The following RBFOX1 variants were observed in gnomAD, a reference collection of about 807,000 sequenced individuals.
The protein encoded by RBFOX1 is RNA binding protein fox-1 homolog 1.
A neutral mutation model predicts 57.7 loss-of-function variants in RBFOX1; 8 were observed. The observed-to-expected ratio is 0.14, with a 90% CI of 0.08 to 0.25. The LOEUF is 0.25. Ranked by LOEUF, RBFOX1 falls within the 10% of genes least tolerant of loss-of-function variation. The probability of loss-of-function intolerance (pLI) is 1.00; values close to 1 mark genes in which losing one functional copy is unlikely to be tolerated. For missense variants in RBFOX1, 611 were observed against 548.5 expected (o/e 1.11, Z -1.14); for synonymous variants, 326 against 222.4 (o/e 1.47, Z -4.15).
At chr16:6,593,077 A>G (rs566271362) in intron 2 of RBFOX1, among the ~76,000 whole-genome samples, 7 of 152,328 alleles carry the variant, frequency 4.6e-5, no homozygotes, top group Non-Finnish European at 1.0e-4. Flanking sequence ...CTGTACTCCC[A>G]GCTACTTGGG....
intron 14 of RBFOX1, among the ~76,000 whole-genome samples, chr16:7,701,644 A>G (rs2080773322): frequency 6.6e-6 from 1 of 152,190 alleles, no homozygotes; most frequent in Admixed American, 6.5e-5. Flanking sequence ...CAACTTCAGT[A>G]TCTTGAGAAG....
At chr16:6,905,878 G>T (rs2069758191) in intron 3 of RBFOX1, among the ~76,000 whole-genome samples, 1 of 152,162 alleles carries the variant, frequency 6.6e-6, no homozygotes, top group South Asian at 2.1e-4. Context: ...GCTGATCCCT[G>T]GAAGCAAAGT....
chr16:5,419,494 G>T (rs1208614496), intron 1 of RBFOX1, among the ~76,000 whole-genome samples: 1 of 151,966 alleles, frequency 6.6e-6, no homozygotes, highest in Non-Finnish European at 1.5e-5. Flanking sequence ...GCCTTTCCCA[G>T]TCCACTGGCA....
At chr16:7,164,131 C>A (rs1216515459) in intron 4 of RBFOX1, among the ~76,000 whole-genome samples, 2 of 152,110 alleles carry the variant, frequency 1.3e-5, no homozygotes, top group Non-Finnish European at 2.9e-5. Flanking sequence ...ACCCTTTACC[C>A]AGAGTCCCCA....
intron 3 of RBFOX1, among the ~76,000 whole-genome samples, chr16:5,663,899 T>C (rs1023913536): frequency 1.3e-5 from 2 of 152,156 alleles, no homozygotes; most frequent in Non-Finnish European, 2.9e-5. Flanking sequence ...ATGCTCCTAT[T>C]TTTGTTCCAG....
At chr16:7,243,885 T>G (rs2094175777) in intron 4 of RBFOX1, among the ~76,000 whole-genome samples, 1 of 152,172 alleles carries the variant, frequency 6.6e-6, no homozygotes, top group Non-Finnish European at 1.5e-5. Flanking sequence ...TGTTATAATC[T>G]GGGATTTCAC....
At chr16:6,697,520 C>G (rs922393360) in intron 3 of RBFOX1, among the ~76,000 whole-genome samples, 1 of 152,166 alleles carries the variant, frequency 6.6e-6, no homozygotes, top group African/African-American at 2.4e-5. Flanking sequence ...CCTTATAAAT[C>G]TGCTTTCCAT....
chr16:5,380,951 G>C (rs1395947227), intron 1 of RBFOX1, among the ~76,000 whole-genome samples: 1 of 152,202 alleles, frequency 6.6e-6, no homozygotes, highest in Admixed American at 6.5e-5. Flanking sequence ...AAATGGCACT[G>C]CCCATCACTT....
intron 2 of RBFOX1, among the ~76,000 whole-genome samples, chr16:6,436,458 T>C (rs1418516902): frequency 1.3e-5 from 2 of 152,044 alleles, no homozygotes; most frequent in South Asian, 2.1e-4. Context: ...ATTGCAGTTG[T>C]TGTAAAACAT....
At chr16:7,685,137 A>C (rs933483730) in intron 14 of RBFOX1, among the ~76,000 whole-genome samples, 2 of 152,118 alleles carry the variant, frequency 1.3e-5, no homozygotes, top group African/African-American at 4.8e-5. Context: ...CCCAGACTCC[A>C]GAATGACTAG....
intron 1 of RBFOX1, among the ~76,000 whole-genome samples, chr16:5,456,407 C>A (rs931013099): frequency 6.6e-6 from 1 of 152,060 alleles, no homozygotes; most frequent in Non-Finnish European, 1.5e-5. Context: ...TTTCGGGGAA[C>A]GGATTTGAAA....
rs188483537 is a variant in RBFOX1 at position 7,449,910 on chromosome 16, C to A, written c.28-68237C>A. 3.1e-4 allele frequency among the ~76,000 whole-genome samples: 47 copies of A among 152,088 alleles called. No homozygotes were observed. In the Middle Eastern group the frequency reaches 0.014, roughly 44 times the overall value. On this transcript the variant is annotated intron_variant, in intron 4 of 15. Transcript: ENST00000550418. Reference sequence around the variant, plus strand: ...ACATTTGTGAAGGGACACTATGAAACATATGAGAGCAGTGAGAAGTGGAGA... The same window carrying A: ...ACATTTGTGAAGGGACACTATGAAAAATATGAGAGCAGTGAGAAGTGGAGA...
rs530465419 is a variant in RBFOX1 at position 6,240,845 on chromosome 16, C to T, written c.-126-76150C>T. On this transcript the variant is annotated intron_variant, in intron 1 of 15. Transcript: ENST00000550418. ...ATATTTTCAGTCAGAAATATGCACA[C>T]GTTATGCAGTTTTCCCTTTTTCAAT... 9.2e-5 allele frequency among the ~76,000 whole-genome samples: 14 copies of T among 152,246 alleles called. No individual in the cohort carries two copies. In the East Asian group the frequency reaches 1.2e-3, roughly 13 times the overall value.
chr16:6,979,859 T>G (rs566338634), intron 3 of RBFOX1, among the ~76,000 whole-genome samples: 6 of 152,274 alleles, frequency 3.9e-5, no homozygotes, highest in Admixed American at 3.3e-4. Flanking sequence ...GTGATGTGTT[T>G]GCTTTGTGAG....
chr16:5,437,841 T>A (rs948879340), intron 1 of RBFOX1, among the ~76,000 whole-genome samples: 1 of 152,196 alleles, frequency 6.6e-6, no homozygotes, highest in Non-Finnish European at 1.5e-5. Flanking sequence ...ATTAAAAATA[T>A]GAAAAGAACC....
chr16:6,144,273 T>G (rs369453285), intron 1 of RBFOX1, among the ~76,000 whole-genome samples: 1 of 152,202 alleles, frequency 6.6e-6, no homozygotes, highest in East Asian at 1.9e-4. Flanking sequence ...TTATTAGGCA[T>G]ATTGTTCCTA....
intron 3 of RBFOX1, among the ~76,000 whole-genome samples, chr16:6,827,445 G>GTCAA (rs1427335978): frequency 6.6e-6 from 1 of 152,142 alleles, no homozygotes; most frequent in Non-Finnish European, 1.5e-5. Context: ...AATTGATGCA[G>GTCAA]TCTCAGTATG....
intron 4 of RBFOX1, among the ~76,000 whole-genome samples, chr16:7,381,829 A>T (rs1260435561): frequency 6.6e-6 from 1 of 151,978 alleles, no homozygotes; most frequent in African/African-American, 2.4e-5. Flanking sequence ...ATCATTCTCT[A>T]TGTGGGGACT....
rs538074811 is a variant in RBFOX1, at chr16:7,278,975, A to C, written c.27+226877A>C. ...CTGGCTTTTTTTTCCTTCTTAAAAA[A>C]TATTTGATTATATTTCTCTTAAGAG... On this transcript the variant is annotated intron_variant, in intron 4 of 15. Transcript: ENST00000550418. Among the ~76,000 whole-genome samples, 57 of 152,222 alleles carry C rather than the reference A, an allele frequency of 3.7e-4. 1 individual carries two copies. The South Asian group carries it at 0.012, about 31-fold the overall frequency.
Sources: gnomAD v4.1 joint callset for allele counts (sites outside exome capture counted in the v4.1 genomes callset) on GRCh38, gnomAD v4.1.1 for gene constraint, MANE v1.5 for transcripts, NCBI Gene and HGNC (gene_info 2026-07-23, HGNC 2026-07-21) for gene names.